IL4I1: variants seen among roughly 807,000 people sequenced by gnomAD.
IL4I1 encodes L-amino-acid oxidase.
IL4I1 carries 24 observed loss-of-function variants against 29.7 expected under a neutral mutation model. That is an observed-to-expected ratio of 0.81 (90% confidence interval 0.59 to 1.14). IL4I1 has a LOEUF of 1.14. Ranked by LOEUF, IL4I1 falls within the 50% of genes most tolerant of loss-of-function variation. The probability of loss-of-function intolerance (pLI) is 0.00; values close to 1 mark genes in which losing one functional copy is unlikely to be tolerated. For missense variants in IL4I1, 686 were observed against 785.6 expected, an observed-to-expected ratio of 0.87 and a Z score of 1.52; for synonymous variants, 371 against 352.5, an observed-to-expected ratio of 1.05 and a Z score of -0.59.
At chr19:49,928,172 T>C (rs1166289613) in intron 1 of IL4I1, 1 of 152,236 alleles carries the variant, frequency 6.6e-6, no homozygotes, top group Non-Finnish European at 1.5e-5. Context: ...CGTCTGCGGC[T>C]CTTACAAGTG....
intron 2 of IL4I1, among the ~76,000 whole-genome samples, chr19:49,917,329 G>A (rs2075650845): frequency 2.0e-5 from 3 of 152,330 alleles, no homozygotes; most frequent in Non-Finnish European, 2.9e-5. Flanking sequence ...GGGATTCTCC[G>A]TCTGCAAACT....
chr19:49,903,830 GTTTTTTTTTTTT>G (rs113175852), intron 3 of IL4I1, among the ~76,000 whole-genome samples: 2 of 66,528 alleles, frequency 3.0e-5, no homozygotes, highest in Non-Finnish European at 5.5e-5. Flanking sequence ...TATGTGCTGG[GTTTTTTTTTTTT>G]TTTTTTTTTT....
rs558596647 is a variant in IL4I1, at chr19:49,925,938, C to T, written c.-228+1756G>A. Among the ~76,000 whole-genome samples the T allele has an allele frequency of 3.9e-5, 6 of 152,222 alleles. No homozygotes were observed. The East Asian group carries it at 9.6e-4, about 24-fold the overall frequency. The stretch of plus-strand genomic sequence containing the variant: ...ATTTAAAAAATAACCCCCTTGGGTA[C>T]GGTGGCTCACACCTGTAATCCCAGC... On this transcript the variant is annotated intron_variant, in intron 2 of 9. Transcript: ENST00000341114.
At position 49,889,902 on chromosome 19, in the gene IL4I1, T is replaced by A. The variant is rs902813028; in HGVS notation, c.1472A>T (p.Glu491Val). 5 of 1,608,320 alleles carry A rather than the reference T, an allele frequency of 3.1e-6. No homozygotes were observed. The highest frequency in any genetic ancestry group is 4.2e-6 in the Non-Finnish European group (5 of 1,177,304). Residue 491 changes from glutamate (E) to valine (V), a missense_variant, in exon 8 of 8, where the codon GAG becomes GTG. By Grantham distance (121) the Glu-to-Val change is moderately radical. Transcript: ENST00000391826. ...GCGCAGCGCCGACTTGACCGCCGTC[T>A]CCACCCAGCCGTGCGGGTAGGCGGT... ...EHTAYPHGWV[E>V]TAVKSALRAA... is the part of the protein sequence containing the mutation.
intron 2 of IL4I1, among the ~76,000 whole-genome samples, chr19:49,905,547 TCTACTTAGACACAACTCTTGTCCTC>T (rs921713128): frequency 6.6e-6 from 1 of 152,208 alleles, no homozygotes; most frequent in African/African-American, 2.4e-5. Context: ...ACCCATGGTT[TCTACTTAGACACAACTCTTGTCCTC>T]CAGAGCCCAA....
At chr19:49,913,799 G>A (rs780883699) in intron 2 of IL4I1, among the ~76,000 whole-genome samples, 2 of 152,182 alleles carry the variant, frequency 1.3e-5, no homozygotes, top group Non-Finnish European at 2.9e-5. Flanking sequence ...TGTGGGCCAC[G>A]TGACAGGCGG....
chr19:49,911,407 A>C (rs545110688), intron 2 of IL4I1: 2 of 152,356 alleles, frequency 1.3e-5, no homozygotes, highest in South Asian at 4.1e-4. Flanking sequence ...GTCAAGACTG[A>C]GAAGCCAAGT....
chr19:49,902,225 C>T (rs2075277617), intron 3 of IL4I1, among the ~76,000 whole-genome samples: 1 of 152,178 alleles, frequency 6.6e-6, no homozygotes, highest in South Asian at 2.1e-4. Flanking sequence ...GTCTCGAACT[C>T]CTGACTTCGG....
intron 1 of IL4I1, chr19:49,928,477 A>AC (rs1568728393): frequency 6.6e-6 from 1 of 150,808 alleles, no homozygotes; most frequent in Non-Finnish European, 1.5e-5. Context: ...AGATCGCGCC[A>AC]CTGCACTCCA....
intron 2 of IL4I1, among the ~76,000 whole-genome samples, chr19:49,927,525 T>C (rs963719835): frequency 6.6e-6 from 1 of 152,206 alleles, no homozygotes; most frequent in Non-Finnish European, 1.5e-5. Flanking sequence ...GCTGCTACTC[T>C]GTATACTGCC....
At position 49,909,394 on chromosome 19, in the gene IL4I1, G is replaced by A. The variant is rs200074617; in HGVS notation, c.-227-5073C>T. On this transcript the variant is annotated intron_variant, in intron 2 of 9. Coordinates refer to the IL4I1 transcript ENST00000341114. ...TGGTGGAGGGGCCAAACACAAAGCC[G>A]GTGGGTGCTGTGCCCTGGCTGGAGG... is the stretch of plus-strand genomic sequence containing the variant. 7.2e-5 allele frequency: 116 copies of A among 1,613,792 alleles called. 1 individual carries two copies. In the South Asian group the frequency reaches 1.0e-3, roughly 14 times the overall value.
intron 3 of IL4I1, 144 bp from the exon 4 acceptor site, chr19:49,895,324 T>TG (rs11373473): frequency 0.49 from 315,380 of 640,984 alleles, 81,163 homozygotes; most frequent in African/African-American, 0.72. Flanking sequence ...CCCTTCTGTA[T>TG]GGAGGTGGGG....
In IL4I1 at chr19:49,890,412, G is replaced by A; in HGVS notation, c.962C>T (p.Thr321Met). The A allele has an allele frequency of 1.2e-6, 2 of 1,608,856 alleles. No individual in the cohort carries two copies. The highest frequency in any genetic ancestry group is 1.7e-6 in the Non-Finnish European group (2 of 1,178,868). The part of the protein sequence containing the change: ...KVLKADVVLL[T>M]ASGPAVKRIT... ...GCGCTTCACCGCCGGTCCGCTCGCC[G>A]TCAGCAGCACCACGTCGGCCTTCAG... The change falls in exon 8 of 8, where the codon ACG (threonine) becomes ATG (methionine). Residue 321 changes from threonine (T) to methionine (M), a missense_variant. Thr to Met is a moderately conservative substitution (Grantham distance 81, BLOSUM62 -1). Coordinates refer to ENST00000391826, the MANE Select transcript of IL4I1 (RefSeq NM_152899.2).
chr19:49,913,429 G>A (rs2075532708), intron 2 of IL4I1, among the ~76,000 whole-genome samples: 1 of 152,214 alleles, frequency 6.6e-6, no homozygotes, highest in African/African-American at 2.4e-5. Context: ...GACCTAGAGT[G>A]GGGGCTTTGG....
At chr19:49,911,996 C>A (rs947565364) in intron 2 of IL4I1, among the ~76,000 whole-genome samples, 1 of 152,196 alleles carries the variant, frequency 6.6e-6, no homozygotes, top group African/African-American at 2.4e-5. Context: ...ATCTGAGCAG[C>A]TACACCTACA....
chr19:49,890,389 G>T lies in IL4I1; in HGVS notation c.985C>A (p.Arg329Ser). The T allele has an allele frequency of 6.2e-7, 1 of 1,604,288 alleles. No individual in the cohort carries two copies. ...GGCAGCGGCGGCGAGAAGGTGATGCGCTTCACCGCCGGTCCGCTCGCCGTC... is the reference window on the plus strand; with the variant it reads ...GGCAGCGGCGGCGAGAAGGTGATGCTCTTCACCGCCGGTCCGCTCGCCGTC... ...LLTASGPAVK[R>S]ITFSPPLPRH... is the part of the protein sequence containing the mutation. Residue 329 changes from arginine (R) to serine (S), a missense_variant, in exon 8 of 8, where the codon CGC (arginine) becomes AGC (serine). Transcript: ENST00000391826.
At chr19:49,924,738 G>A (rs1152233) in intron 2 of IL4I1, among the ~76,000 whole-genome samples, 2,263 of 152,158 alleles carry the variant, frequency 0.015, 47 homozygotes, top group South Asian at 0.1. Flanking sequence ...CTATGAACTA[G>A]AACAGGCTGG....
upstream of IL4I1, among the ~76,000 whole-genome samples, chr19:49,897,412 G>T (rs1333442872): frequency 6.6e-6 from 1 of 152,090 alleles, no homozygotes; most frequent in East Asian, 1.9e-4. Context: ...CGTGGTCCCG[G>T]GGTCAGGACG....
chr19:49,915,018 G>A (rs1189777818), intron 2 of IL4I1, among the ~76,000 whole-genome samples: 3 of 152,162 alleles, frequency 2.0e-5, no homozygotes, highest in Non-Finnish European at 2.9e-5. Flanking sequence ...GTGATTACAG[G>A]AGTGAGCCAC....
Sources: gnomAD v4.1 joint callset for allele counts (sites outside exome capture counted in the v4.1 genomes callset) on GRCh38, gnomAD v4.1.1 for gene constraint, MANE v1.5 for transcripts, NCBI Gene and HGNC (gene_info 2026-07-23, HGNC 2026-07-21) for gene names.